Variants in GLRX3 observed in about 807,000 individuals in gnomAD.
GLRX3 encodes glutaredoxin-3.
A neutral mutation model predicts 49.5 loss-of-function variants in GLRX3; 22 were observed. The observed-to-expected ratio is 0.44, with a 90% CI of 0.32 to 0.63. The LOEUF (loss-of-function observed/expected upper bound fraction) is 0.63. Among genes scored for constraint, GLRX3 ranks in the 30% least tolerant of loss-of-function variants. The probability of loss-of-function intolerance (pLI) is 0.05; values close to 1 mark genes in which losing one functional copy is unlikely to be tolerated. For synonymous variants in GLRX3, 133 were observed against 140.0 expected (o/e 0.95, Z 0.35); for missense variants, 385 against 396.3 (o/e 0.97, Z 0.24).
intron 7 of GLRX3, 30 bp from the exon 8 acceptor site, chr10:130,171,554 T>G (rs1590072808): frequency 2.3e-6 from 3 of 1,292,914 alleles, no homozygotes; most frequent in Middle Eastern, 1.8e-4. Context: ...ATACAAAAAT[T>G]GTAATCTTTG....
chr10:130,179,844 A>G (rs1320343773), downstream of GLRX3, among the ~76,000 whole-genome samples: 3 of 152,176 alleles, frequency 2.0e-5, no homozygotes, highest in African/African-American at 7.2e-5. Context: ...GCTTAGGAAA[A>G]ACAACGGAAA....
intron 1 of GLRX3, among the ~76,000 whole-genome samples, chr10:130,140,965 T>C (rs1862161384): frequency 6.6e-6 from 1 of 152,160 alleles, no homozygotes. Flanking sequence ...TTCTGAAAGG[T>C]CCCAATTTAA....
At position 130,168,596 on chromosome 10, in the gene GLRX3, C is replaced by T. The variant is rs906690951; in HGVS notation, c.714-837C>T. On this transcript the variant is annotated intron_variant, in intron 6 of 10. Transcript: ENST00000331244. ...GGTAGCCGTGACCACAGGCGTCCGC[C>T]ACCACGTCCGGCTAATTCTTTTGTA... Among the ~76,000 whole-genome samples, 6 of 152,218 alleles carry T rather than the reference C, an allele frequency of 3.9e-5. No individual in the cohort carries two copies. In the South Asian group the frequency reaches 1.0e-3, roughly 26 times the overall value.
intron 6 of GLRX3, among the ~76,000 whole-genome samples, chr10:130,168,474 T>A (rs1173647991): frequency 6.6e-6 from 1 of 152,254 alleles, no homozygotes; most frequent in East Asian, 1.9e-4. Context: ...AGACGGACTC[T>A]GGCTCTGTAG....
chr10:130,155,876 A>AT (rs1244532629), intron 2 of GLRX3, among the ~76,000 whole-genome samples: 1 of 152,160 alleles, frequency 6.6e-6, no homozygotes, highest in African/African-American at 2.4e-5. Flanking sequence ...GAGTTTGAGC[A>AT]TTTAGGGAGG....
chr10:130,172,980 A>G (rs2134924599), intron 8 of GLRX3, among the ~76,000 whole-genome samples: 1 of 152,288 alleles, frequency 6.6e-6, no homozygotes, highest in East Asian at 1.9e-4. Flanking sequence ...TTACTATGAC[A>G]TTTTATAGAA....
chr10:130,172,131 T>A (rs35052664), intron 8 of GLRX3, among the ~76,000 whole-genome samples: 14,336 of 152,290 alleles, frequency 0.094, 854 homozygotes, highest in Non-Finnish European at 0.12. Flanking sequence ...GTCAACCTAT[T>A]AGTAACATAA....
intron 4 of GLRX3, among the ~76,000 whole-genome samples, chr10:130,161,740 T>C (rs1862580446): frequency 6.6e-6 from 1 of 152,202 alleles, no homozygotes; most frequent in Non-Finnish European, 1.5e-5. Context: ...TTTAATGCCA[T>C]TTGATGATGC....
chr10:130,174,987 G>GAA lies in GLRX3; in HGVS notation c.865-10_865-9insAA. On this transcript the variant is annotated splice_polypyrimidine_tract_variant and intron_variant, in intron 9 of 10. Coordinates refer to ENST00000331244, the MANE Select transcript of GLRX3 (RefSeq NM_006541.5). ...ATAGGATGGTTTCAGGATTCCTGTT[G>GAA]TTTCTTTAGGTTCGGCAAGGATTAA... 6.2e-7 allele frequency: 1 copy of GAA among 1,600,512 alleles called. No individual in the cohort carries two copies. Among genetic ancestry groups the GAA allele is most frequent in the African/African-American group, 1.3e-5 (1 of 74,754 alleles).
intron 2 of GLRX3, among the ~76,000 whole-genome samples, chr10:130,157,555 C>G (rs951034149): frequency 3.3e-5 from 4 of 121,988 alleles, no homozygotes; most frequent in African/African-American, 1.2e-4. Context: ...CTTACTCAGT[C>G]TACTGATTCA....
rs539733391 is a variant in GLRX3 at position 130,169,027 on chromosome 10, C to T, written c.714-406C>T. Among the ~76,000 whole-genome samples, 13 of 152,282 alleles carry T rather than the reference C, an allele frequency of 8.5e-5. 1 individual carries two copies. In the South Asian group the frequency reaches 2.7e-3, roughly 32 times the overall value. ...TAACGCTGTCACCCTGCAGTCCGAC[C>T]TTGTGAGCTTTACACGTGTACAGTG... On this transcript the variant is annotated intron_variant, in intron 6 of 10. Coordinates refer to ENST00000331244, the MANE Select transcript of GLRX3 (RefSeq NM_006541.5).
chr10:130,150,758 G>A (rs1181651115), intron 2 of GLRX3, among the ~76,000 whole-genome samples: 2 of 152,064 alleles, frequency 1.3e-5, no homozygotes, highest in East Asian at 1.9e-4. Flanking sequence ...GCAATCTTCC[G>A]AAGGGTACCA....
At chr10:130,166,866 G>A (rs1247153658) in intron 5 of GLRX3, 53 bp from the exon 6 acceptor site, 1 of 1,180,680 alleles carries the variant, frequency 8.5e-7, no homozygotes, top group African/African-American at 1.5e-5. Context: ...TGATCAAGGA[G>A]ATTTATGTTA....
At chr10:130,166,167 T>G (rs1862681000) in intron 4 of GLRX3, among the ~76,000 whole-genome samples, 1 of 151,798 alleles carries the variant, frequency 6.6e-6, no homozygotes, top group Admixed American at 6.6e-5. Context: ...GGTCTCTGCT[T>G]TTTGGCTAGT....
Position 130,148,433 on chromosome 10 carries a change from C to CTT in GLRX3, c.201+3140_201+3141dup, listed in dbSNP as rs57482969. Among the ~76,000 whole-genome samples, 673 of 70,544 alleles carry CTT rather than the reference C, an allele frequency of 9.5e-3. 58 individuals are homozygous for CTT. Among genetic ancestry groups the CTT allele is most frequent in the East Asian group, 0.027 (39 of 1,420 alleles). The allele number at this position is 70,544 out of a possible 152,430, so 46.3% of individuals were successfully genotyped here. A position where few individuals can be genotyped will look rare whatever the true frequency, so the allele number is the denominator to read the frequency against. ...GATGTGAGCCACTTTGCCCTTCAGT[C>CTT]TTTTTTTTTTTTTTTTTTTTTTTTT... On this transcript the variant is annotated intron_variant, in intron 2 of 10. Transcript: ENST00000331244.
chr10:130,139,059 C>T (rs1397590012), intron 1 of GLRX3, among the ~76,000 whole-genome samples: 1 of 151,782 alleles, frequency 6.6e-6, no homozygotes, highest in Non-Finnish European at 1.5e-5. Flanking sequence ...ATGGGTTTCA[C>T]CATGTTGGCC....
At chr10:130,158,251 C>T (rs1327995490) in intron 2 of GLRX3, among the ~76,000 whole-genome samples, 21 of 149,838 alleles carry the variant, frequency 1.4e-4, no homozygotes, top group Admixed American at 6.0e-4. Context: ...TTTGCTTAGT[C>T]GCCCAGGCTG....
At chr10:130,140,718 G>A (rs1024728620) in intron 1 of GLRX3, among the ~76,000 whole-genome samples, 3 of 151,932 alleles carry the variant, frequency 2.0e-5, no homozygotes, top group African/African-American at 4.8e-5. Context: ...ATAAAGTTTG[G>A]TAACCTACTT....
At chr10:130,168,101 C>G (rs982044609) in intron 6 of GLRX3, among the ~76,000 whole-genome samples, 1 of 152,220 alleles carries the variant, frequency 6.6e-6, no homozygotes, top group African/African-American at 2.4e-5. Context: ...TAATGTGCTG[C>G]TTCTAAATCT....
Sources: gnomAD v4.1 joint callset for allele counts (sites outside exome capture counted in the v4.1 genomes callset) on GRCh38, gnomAD v4.1.1 for gene constraint, MANE v1.5 for transcripts, NCBI Gene and HGNC (gene_info 2026-07-23, HGNC 2026-07-21) for gene names.